PDE6C: variants seen among roughly 807,000 people sequenced by gnomAD.
PDE6C encodes cone cGMP-specific 3',5'-cyclic phosphodiesterase subunit alpha'.
In PDE6C, 75 loss-of-function variants were observed where a neutral mutation model predicts 113.1. The ratio of observed to expected loss-of-function variants is 0.66; its 90% CI spans 0.55 to 0.80. PDE6C has a LOEUF of 0.80. Ranked by LOEUF, PDE6C falls within the 30% of genes least tolerant of loss-of-function variation. PDE6C has a pLI of 0.00. For synonymous variants in PDE6C, 375 were observed against 363.7 expected, an observed-to-expected ratio of 1.03 and a Z score of -0.35; for missense variants, 912 against 1,038.6, an observed-to-expected ratio of 0.88 and a Z score of 1.67.
intron 15 of PDE6C, among the ~76,000 whole-genome samples, chr10:93,654,679 G>A (rs1239052826): frequency 6.6e-6 from 1 of 151,552 alleles, no homozygotes; most frequent in Non-Finnish European, 1.5e-5. Flanking sequence ...TCTGTCATTT[G>A]GCCTGTATGA....
At chr10:93,644,388 A>G (rs1231353320) in intron 14 of PDE6C, among the ~76,000 whole-genome samples, 5 of 152,122 alleles carry the variant, frequency 3.3e-5, no homozygotes, top group Non-Finnish European at 7.4e-5. Context: ...TCTGACTAGA[A>G]TTGAGCTTTT....
intron 10 of PDE6C, among the ~76,000 whole-genome samples, chr10:93,636,588 C>T (rs539901273): frequency 1.3e-5 from 2 of 151,868 alleles, no homozygotes; most frequent in African/African-American, 4.8e-5. Context: ...TTCTTTCCTA[C>T]ATGCAAACAA....
At chr10:93,657,048 A>G (rs1348501518) in intron 16 of PDE6C, among the ~76,000 whole-genome samples, 2 of 152,132 alleles carry the variant, frequency 1.3e-5, no homozygotes, top group African/African-American at 2.4e-5. Flanking sequence ...CCCCTACTCC[A>G]CTATGAAAAA....
chr10:93,646,086 C>G (rs1313478078), intron 15 of PDE6C, 39 bp downstream of exon 15: 2 of 1,196,568 alleles, frequency 1.7e-6, no homozygotes, highest in Non-Finnish European at 2.5e-6. Flanking sequence ...AACACAAATT[C>G]TGGATCAAAG....
chr10:93,634,477 A>G (rs2058518223), intron 8 of PDE6C, among the ~76,000 whole-genome samples: 1 of 152,228 alleles, frequency 6.6e-6, no homozygotes, highest in Admixed American at 6.5e-5. Flanking sequence ...ATATGTACAC[A>G]CACACATATA....
At chr10:93,620,025 A>G (rs2058437695) in intron 1 of PDE6C, among the ~76,000 whole-genome samples, 1 of 152,178 alleles carries the variant, frequency 6.6e-6, no homozygotes, top group Non-Finnish European at 1.5e-5. Context: ...TGATGAAACT[A>G]TTATAAGCAA....
intron 8 of PDE6C, among the ~76,000 whole-genome samples, chr10:93,629,648 T>G (rs2058490561): frequency 6.6e-6 from 1 of 152,128 alleles, no homozygotes; most frequent in African/African-American, 2.4e-5. Flanking sequence ...GAGATGGTTT[T>G]GGGATGAAAC....
rs1039997248 is a variant in PDE6C, at chr10:93,663,086, G to A, written c.2426G>A (p.Arg809Lys). ...ATGCTGAGTGGTCTTCAGAATAACA[G>A]AGTAGAATGGAAATCACTAGCTGAT... ...TPMLSGLQNN[R>K]VEWKSLADEY... Residue 809 changes from arginine to lysine, a missense_variant, in exon 21 of 22, where the codon AGA (arginine) becomes AAA (lysine). By Grantham distance (26) the Arg-to-Lys change is conservative (BLOSUM62 2). Coordinates refer to ENST00000371447, the MANE Select transcript of PDE6C (RefSeq NM_006204.4). The A allele has an allele frequency of 5.6e-6, 9 of 1,613,308 alleles. No individual in the cohort carries two copies. Among genetic ancestry groups the A allele is most frequent in the Non-Finnish European group, 7.6e-6 (9 of 1,179,556 alleles).
chr10:93,629,373 C>A, intron 8 of PDE6C, 68 bp downstream of exon 8: 1 of 1,126,826 alleles, frequency 8.9e-7, no homozygotes, highest in Non-Finnish European at 1.4e-6. Flanking sequence ...TCTCGCCTCT[C>A]CTCCACCCCC....
intron 21 of PDE6C, 66 bp from the exon 22 acceptor site, chr10:93,665,294 A>C: frequency 8.8e-7 from 1 of 1,138,548 alleles, no homozygotes; most frequent in East Asian, 2.4e-5. Flanking sequence ...TATCATGGGA[A>C]TGTTAGAATA....
chr10:93,664,535 T>A (rs1319355884), intron 21 of PDE6C, among the ~76,000 whole-genome samples: 1 of 152,186 alleles, frequency 6.6e-6, no homozygotes, highest in African/African-American at 2.4e-5. Flanking sequence ...ATGATTTGCA[T>A]TTCAAAACAA....
chr10:93,622,761 C>T (rs2058454901), intron 4 of PDE6C, among the ~76,000 whole-genome samples: 1 of 149,950 alleles, frequency 6.7e-6, no homozygotes. Flanking sequence ...TGGCTTTTCA[C>T]TTTGAAATAT....
In PDE6C at chr10:93,612,734, G is replaced by A; in HGVS notation, c.9G>A (p.Glu3=). 1 of 1,613,916 alleles carries A rather than the reference G, an allele frequency of 6.2e-7. No homozygotes were observed. The highest frequency in any genetic ancestry group is 1.3e-5 in the African/African-American group (1 of 75,058). MG[E]INQVAVEKYL... ...GCAAAGCAAGCCACACCATGGGTGA[G>A]ATCAACCAAGTTGCCGTGGAGAAAT... The change falls in exon 1 of 22, where the codon GAG becomes GAA. Residue 3 remains glutamate, a synonymous_variant. Transcript: ENST00000371447.
intron 15 of PDE6C, among the ~76,000 whole-genome samples, chr10:93,654,164 T>C (rs1589703964): frequency 6.6e-6 from 1 of 152,232 alleles, no homozygotes; most frequent in Non-Finnish European, 1.5e-5. Context: ...CAGATATTAA[T>C]TGAGCATAGA....
intron 6 of PDE6C, 47 bp from the exon 7 acceptor site, chr10:93,626,758 T>C: frequency 2.5e-6 from 4 of 1,606,210 alleles, no homozygotes; most frequent in Middle Eastern, 1.7e-4. Flanking sequence ...TTTGCACATA[T>C]TGCATTTCTC....
chr10:93,619,093 C>T (rs576913730), intron 1 of PDE6C, among the ~76,000 whole-genome samples: 38 of 152,312 alleles, frequency 2.5e-4, no homozygotes, highest in Middle Eastern at 6.8e-3. Context: ...GGTCTAAACC[C>T]ACCGTGAGTG....
intron 18 of PDE6C, among the ~76,000 whole-genome samples, chr10:93,661,020 C>T (rs559394664): frequency 6.6e-6 from 1 of 152,094 alleles, no homozygotes; most frequent in Non-Finnish European, 1.5e-5. Flanking sequence ...TTTCTCCCAA[C>T]AAAACTTGCC....
intron 15 of PDE6C, among the ~76,000 whole-genome samples, chr10:93,649,215 G>A (rs2058598422): frequency 6.6e-6 from 1 of 152,142 alleles, no homozygotes; most frequent in South Asian, 2.1e-4. Flanking sequence ...CGTGGCCAGA[G>A]GCTGGGAAGT....
At chr10:93,619,812 G>A (rs1714518230) in intron 1 of PDE6C, among the ~76,000 whole-genome samples, 1 of 152,076 alleles carries the variant, frequency 6.6e-6, no homozygotes, top group Admixed American at 6.5e-5. Flanking sequence ...TTCCTTTTTT[G>A]GGAATCTGTC....
Sources: allele counts gnomAD v4.1 joint callset (sites outside exome capture counted in the v4.1 genomes callset), GRCh38; gene constraint gnomAD v4.1.1; transcripts MANE v1.5; gene names NCBI Gene and HGNC (gene_info 2026-07-23, HGNC 2026-07-21).